The following GRM1 variants were observed in gnomAD, a reference collection of about 807,000 sequenced individuals.
The protein encoded by GRM1 is glutamate metabotropic receptor 1, also known as metabotropic glutamate receptor 1.
GRM1 carries 33 observed loss-of-function variants against 90.9 expected under a neutral mutation model. The ratio of observed to expected loss-of-function variants is 0.36; its 90% CI spans 0.28 to 0.49. The LOEUF (loss-of-function observed/expected upper bound fraction) is 0.49. GRM1 is among the 20% of genes least tolerant of loss of function. The pLI is 0.99. For synonymous variants in GRM1, 700 were observed against 613.2 expected (o/e 1.14, Z -2.09); for missense variants, 1,190 against 1,534.3 (o/e 0.78, Z 3.75).
intron 2 of GRM1, among the ~76,000 whole-genome samples, chr6:146,274,279 A>G (rs970567420): frequency 4.6e-5 from 7 of 152,232 alleles, no homozygotes; most frequent in African/African-American, 1.7e-4. Flanking sequence ...AATTCAATTA[A>G]CATAATTTTT....
intron 1 of GRM1, among the ~76,000 whole-genome samples, chr6:146,135,342 CTCCAAAAG>C (rs1776580836): frequency 6.6e-6 from 1 of 152,208 alleles, no homozygotes; most frequent in South Asian, 2.1e-4. Context: ...GATGACATCA[CTCCAAAAG>C]TATTGGCAAA....
rs1385586265 is a variant in GRM1, at chr6:146,133,742, G to A, written c.701-25606G>A. ...AAATCAACCTTTTGTGCAATCCTGT[G>A]CTTTGCAGCCCTCACCTCCTTGGCA... On this transcript the variant is annotated intron_variant, in intron 1 of 7. Coordinates refer to ENST00000282753, the MANE Select transcript of GRM1 (RefSeq NM_001278064.2). Among the ~76,000 whole-genome samples the A allele has an allele frequency of 2.6e-5, 4 of 152,308 alleles. No individual in the cohort carries two copies. In the East Asian group the frequency reaches 7.7e-4, roughly 29 times the overall value.
chr6:146,434,614 A>T lies in GRM1; in HGVS notation c.3403A>T (p.Ser1135Cys), dbSNP rs778637784. 6.2e-7 allele frequency: 1 copy of T among 1,613,018 alleles called. No individual in the cohort carries two copies. The highest frequency in any genetic ancestry group is 1.1e-5 in the South Asian group (1 of 91,090). The change falls in exon 8 of 8, where the codon AGC (serine) becomes TGC (cysteine). Residue 1135 changes from serine (S) to cysteine (C), a missense_variant. Transcript: ENST00000282753. Reference protein sequence around the residue: ...EEEEEDLQAASKLTPDDSPAL... With the variant: ...EEEEEDLQAACKLTPDDSPAL... ...GGAGGAGGAGGACCTGCAGGCGGCC[A>T]GCAAACTGACCCCGGATGATTCGCC...
chr6:146,243,705 C>T (rs746694804), intron 2 of GRM1, among the ~76,000 whole-genome samples: 8 of 152,166 alleles, frequency 5.3e-5, no homozygotes, highest in South Asian at 4.2e-4. Context: ...CCACTGGGCA[C>T]GCATCGTCAT....
chr6:146,110,286 G>A (rs964798938), intron 1 of GRM1, among the ~76,000 whole-genome samples: 9 of 152,088 alleles, frequency 5.9e-5, no homozygotes, highest in African/African-American at 2.4e-5. Flanking sequence ...AATCATGGGG[G>A]TGGGTCTTTC....
Position 146,029,674 on chromosome 6 carries a change from G to C in GRM1, c.157G>C (p.Val53Leu). ...TGTCATCATTGGAGCCCTCTTCTCA[G>C]TCCATCACCAGCCTCCGGCCGAGAA... The part of the protein sequence containing the change: ...GDVIIGALFS[V>L]HHQPPAEKVP... The change falls in exon 1 of 8, where the codon GTC (valine) becomes CTC (leucine). Residue 53 changes from valine (V) to leucine (L), a missense_variant. This residue lies in a region of GRM1 where 25 missense variants were observed against 65.9 expected (regional missense o/e 0.38). Coordinates refer to ENST00000282753, the MANE Select transcript of GRM1 (RefSeq NM_001278064.2). 1 of 1,614,124 alleles carries C rather than the reference G, an allele frequency of 6.2e-7. No individual in the cohort carries two copies. The highest frequency in any genetic ancestry group is 8.5e-7 in the Non-Finnish European group (1 of 1,180,024).
intron 2 of GRM1, among the ~76,000 whole-genome samples, chr6:146,301,916 A>G (rs1783398326): frequency 6.6e-6 from 1 of 152,158 alleles, no homozygotes; most frequent in African/African-American, 2.4e-5. Context: ...AGGACTCACT[A>G]GAACAATAGG....
At chr6:146,401,355 C>T (rs1296493775) in intron 7 of GRM1, among the ~76,000 whole-genome samples, 1 of 151,996 alleles carries the variant, frequency 6.6e-6, no homozygotes, top group Non-Finnish European at 1.5e-5. Context: ...TAGCCAAACT[C>T]CCCTCAGGAG....
At chr6:146,060,984 A>C (rs1775646997) in intron 1 of GRM1, among the ~76,000 whole-genome samples, 2 of 152,024 alleles carry the variant, frequency 1.3e-5, no homozygotes, top group Admixed American at 6.6e-5. Context: ...TTTGATTTGC[A>C]TTTCTCTAAT....
In GRM1 at chr6:146,030,009, C is replaced by T. The variant is rs1790651546; in HGVS notation, c.492C>T (p.Ser164=). The T allele has an allele frequency of 1.9e-6, 3 of 1,614,182 alleles. No individual in the cohort carries two copies. In the Admixed American group the frequency reaches 5.0e-5, roughly 27 times the overall value. Residue 164 remains serine (S), a synonymous_variant, in exon 1 of 8, where the codon TCC becomes TCT. Coordinates refer to ENST00000282753, the MANE Select transcript of GRM1 (RefSeq NM_001278064.2). ...KPIAGVIGPG[S]SSVAIQVQNL... ...TTGCGGGAGTGATCGGTCCCGGCTC[C>T]AGCTCTGTAGCCATTCAAGTGCAGA...
intron 6 of GRM1, among the ~76,000 whole-genome samples, chr6:146,396,565 T>A (rs1776944897): frequency 6.6e-6 from 1 of 152,130 alleles, no homozygotes; most frequent in Non-Finnish European, 1.5e-5. Flanking sequence ...CTATCCCTTA[T>A]ATTGTCAACA....
chr6:146,352,426 A>T lies in GRM1; in HGVS notation c.1363A>T (p.Ile455Phe), dbSNP rs1191059617. Reference sequence around the variant, plus strand: ...CGGCAGCAAGCTGCTGGACTTCCTCATCAAGTCCTCATTCATTGGAGTATC... The same window carrying T: ...CGGCAGCAAGCTGCTGGACTTCCTCTTCAAGTCCTCATTCATTGGAGTATC... ...IDGSKLLDFL[I>F]KSSFIGVSGE... The change falls in exon 4 of 8, where the codon ATC becomes TTC. Residue 455 changes from isoleucine to phenylalanine, a missense_variant. Ile to Phe is a conservative substitution (Grantham distance 21). Coordinates refer to ENST00000282753, the MANE Select transcript of GRM1 (RefSeq NM_001278064.2). 1.2e-6 allele frequency: 2 copies of T among 1,613,780 alleles called. No individual in the cohort carries two copies. Among genetic ancestry groups the T allele is most frequent in the Non-Finnish European group, 1.7e-6 (2 of 1,179,728 alleles).
chr6:146,349,972 T>C (rs1785336507), intron 3 of GRM1, among the ~76,000 whole-genome samples: 2 of 152,324 alleles, frequency 1.3e-5, no homozygotes, highest in Admixed American at 6.5e-5. Flanking sequence ...GATGACACAA[T>C]TTTCCTGGTT....
chr6:146,033,428 C>A (rs1314140276), intron 1 of GRM1, among the ~76,000 whole-genome samples: 9 of 152,058 alleles, frequency 5.9e-5, no homozygotes, highest in Non-Finnish European at 7.4e-5. Flanking sequence ...TTAAAAATAA[C>A]TGTAGTTAAT....
chr6:146,280,844 T>C (rs920507309), intron 2 of GRM1, among the ~76,000 whole-genome samples: 1 of 151,572 alleles, frequency 6.6e-6, no homozygotes, highest in African/African-American at 2.4e-5. Flanking sequence ...CTGAGGCGGG[T>C]CTTGAACTCC....
chr6:146,206,901 G>T (rs1187274288), intron 2 of GRM1, among the ~76,000 whole-genome samples: 1 of 152,046 alleles, frequency 6.6e-6, no homozygotes, highest in East Asian at 1.9e-4. Context: ...AGAACATGTG[G>T]TATTTGGTTT....
chr6:146,389,927 A>G (rs2114541137), intron 6 of GRM1, among the ~76,000 whole-genome samples: 1 of 152,234 alleles, frequency 6.6e-6, no homozygotes, highest in African/African-American at 2.4e-5. Flanking sequence ...GAGCAAGGGC[A>G]TAGTCCGTGC....
At chr6:146,141,714 G>A (rs140744100) in intron 1 of GRM1, among the ~76,000 whole-genome samples, 297 of 152,074 alleles carry the variant, frequency 2.0e-3, no homozygotes, top group African/African-American at 6.5e-3. Flanking sequence ...TTTTCAACTC[G>A]GATTTCTGCT....
intron 1 of GRM1, among the ~76,000 whole-genome samples, chr6:146,127,561 C>T (rs1169806636): frequency 1.3e-5 from 2 of 152,096 alleles, no homozygotes; most frequent in African/African-American, 4.8e-5. Flanking sequence ...GTGCAATAGA[C>T]CTACAATGTA....
Sources: gnomAD v4.1 joint callset for allele counts (sites outside exome capture counted in the v4.1 genomes callset) on GRCh38, gnomAD v4.1.1 for gene constraint, gnomAD v4.1.1 regional missense constraint, MANE v1.5 for transcripts, NCBI Gene and HGNC (gene_info 2026-07-23, HGNC 2026-07-21) for gene names.